LARGE1: variants seen among roughly 807,000 people sequenced by gnomAD.
The protein encoded by LARGE1 is LARGE xylosyl- and glucuronyltransferase 1, also known as xylosyl- and glucuronyltransferase LARGE1.
LARGE1 carries 43 observed loss-of-function variants against 87.6 expected under a neutral mutation model. The observed-to-expected ratio is 0.49, with a 90% CI of 0.38 to 0.63. LARGE1 has a LOEUF of 0.63. Among genes scored for constraint, LARGE1 ranks in the 30% least tolerant of loss-of-function variants. The pLI, the probability that LARGE1 is intolerant of heterozygous loss-of-function variation, is 0.00. For synonymous variants in LARGE1, 434 were observed against 394.6 expected (o/e 1.10, Z -1.18); for missense variants, 802 against 1,000.2 (o/e 0.80, Z 2.67).
intron 9 of LARGE1, among the ~76,000 whole-genome samples, chr22:33,346,666 T>A (rs542154382): frequency 1.2e-4 from 18 of 152,288 alleles, no homozygotes; most frequent in Admixed American, 3.9e-4. Flanking sequence ...GCACATGTTC[T>A]GCAAAGCTTT....
intron 5 of LARGE1, among the ~76,000 whole-genome samples, chr22:33,591,529 C>T (rs184584823): frequency 7.6e-4 from 115 of 152,184 alleles, no homozygotes; most frequent in Non-Finnish European, 1.4e-3. Flanking sequence ...GGTGTAAGAC[C>T]TCTCCATATA....
At chr22:33,826,018 C>G (rs527830259) in intron 1 of LARGE1, among the ~76,000 whole-genome samples, 1 of 152,124 alleles carries the variant, frequency 6.6e-6, no homozygotes, top group Non-Finnish European at 1.5e-5. Context: ...CAGAGAGACC[C>G]GCTGTCCAGA....
intron 7 of LARGE1, among the ~76,000 whole-genome samples, chr22:33,410,650 T>C (rs530632241): frequency 6.6e-6 from 1 of 152,216 alleles, no homozygotes; most frequent in Non-Finnish European, 1.5e-5. Flanking sequence ...CTTTCCTTTA[T>C]AAATTACCCA....
At chr22:33,784,961 G>A (rs927462997) in intron 1 of LARGE1, among the ~76,000 whole-genome samples, 4 of 150,460 alleles carry the variant, frequency 2.7e-5, no homozygotes, top group African/African-American at 9.8e-5. Flanking sequence ...GTGTACATGG[G>A]TATATACATG....
At chr22:33,211,564 G>A (rs1192521208) in intron 11 of LARGE1, among the ~76,000 whole-genome samples, 1 of 151,926 alleles carries the variant, frequency 6.6e-6, no homozygotes, top group Non-Finnish European at 1.5e-5. Flanking sequence ...CTGAGGTCAG[G>A]AGTCCGAGAC....
At chr22:33,793,571 G>C (rs940094413) in intron 1 of LARGE1, among the ~76,000 whole-genome samples, 1 of 152,232 alleles carries the variant, frequency 6.6e-6, no homozygotes, top group African/African-American at 2.4e-5. Context: ...GCTGTGAGAA[G>C]TGAGGAATAT....
At position 33,564,844 on chromosome 22, in the gene LARGE1, T is replaced by C; in HGVS notation, c.787+4A>G. Reference sequence around the variant, plus strand: ...CGGGGAAAAAACGAATGGGCTACCATTACCTTTGAACTTGTGGAACACAGC... The same window carrying C: ...CGGGGAAAAAACGAATGGGCTACCACTACCTTTGAACTTGTGGAACACAGC... On this transcript the variant is annotated splice_donor_region_variant and intron_variant, in intron 6 of 14. Transcript: ENST00000397394. The C allele has an allele frequency of 3.7e-6, 6 of 1,614,176 alleles. No individual in the cohort carries two copies. The highest frequency in any genetic ancestry group is 1.1e-5 in the South Asian group (1 of 91,076).
the LARGE1 span, among the ~76,000 whole-genome samples, chr22:33,127,968 T>C: frequency 1.8e-4 from 28 of 152,266 alleles, no homozygotes; most frequent in African/African-American, 6.0e-4. Flanking sequence ...ATGTGCTTTC[T>C]ACCCCTTTTC....
intron 11 of LARGE1, among the ~76,000 whole-genome samples, chr22:33,186,194 C>G (rs1272511595): frequency 2.6e-5 from 4 of 152,020 alleles, no homozygotes; most frequent in Admixed American, 6.6e-5. Flanking sequence ...AATACTGATA[C>G]CAAAACTTGA....
chr22:33,652,191 A>C (rs2080839422), intron 2 of LARGE1, among the ~76,000 whole-genome samples: 1 of 151,962 alleles, frequency 6.6e-6, no homozygotes, highest in Admixed American at 6.6e-5. Context: ...AAAAACAAAA[A>C]CAAAAACAAC....
chr22:33,791,417 G>A (rs1458341661), intron 1 of LARGE1, among the ~76,000 whole-genome samples: 4 of 152,158 alleles, frequency 2.6e-5, no homozygotes, highest in Non-Finnish European at 5.9e-5. Context: ...AAGGGGAACT[G>A]AGTCATATTA....
At chr22:33,692,595 G>A (rs550666485) in intron 2 of LARGE1, among the ~76,000 whole-genome samples, 1 of 152,316 alleles carries the variant, frequency 6.6e-6, no homozygotes, top group Non-Finnish European at 1.5e-5. Context: ...ATAGGCGTGA[G>A]CCACCGCGCC....
intron 1 of LARGE1, among the ~76,000 whole-genome samples, chr22:33,831,941 G>A (rs537303492): frequency 6.6e-6 from 1 of 152,292 alleles, no homozygotes; most frequent in African/African-American, 2.4e-5. Context: ...AACAGCCCTA[G>A]AATAATGCTC....
intron 3 of LARGE1, 61 bp from the exon 4 acceptor site, chr22:33,626,387 T>C: frequency 1.5e-6 from 2 of 1,340,494 alleles, no homozygotes; most frequent in Non-Finnish European, 1.1e-6. Flanking sequence ...TTCCTGGTGC[T>C]TCAGATCACA....
downstream of LARGE1, among the ~76,000 whole-genome samples, chr22:33,269,949 G>A (rs1034381311): frequency 6.6e-6 from 1 of 150,622 alleles, no homozygotes; most frequent in African/African-American, 2.5e-5. Flanking sequence ...AGCTTGCAGT[G>A]AGCCGAGATC....
At chr22:33,490,493 A>G (rs149838914) in intron 6 of LARGE1, among the ~76,000 whole-genome samples, 33 of 152,338 alleles carry the variant, frequency 2.2e-4, no homozygotes, top group African/African-American at 7.0e-4. Context: ...TGTTGTTTCT[A>G]TAACTACTAT....
downstream of LARGE1, among the ~76,000 whole-genome samples, chr22:33,268,428 A>AC (rs1047336050): frequency 2.8e-5 from 4 of 143,434 alleles, no homozygotes; most frequent in African/African-American, 1.2e-4. Flanking sequence ...CTGTTAAAAA[A>AC]CTTTTTTTTT....
At chr22:33,109,726 C>T in the LARGE1 span, among the ~76,000 whole-genome samples, 7 of 152,116 alleles carry the variant, frequency 4.6e-5, no homozygotes, top group East Asian at 1.9e-4. Context: ...GTTTGAATTA[C>T]GTGGGCAGAT....
chr22:33,304,637 T>G (rs1412205442), intron 11 of LARGE1, 130 bp from the exon 12 acceptor site: 1 of 964,494 alleles, frequency 1.0e-6, no homozygotes, highest in Non-Finnish European at 1.5e-6. Context: ...GCTTTCAACG[T>G]TGACTCACTC....
Sources: allele counts gnomAD v4.1 joint callset (sites outside exome capture counted in the v4.1 genomes callset), GRCh38; gene constraint gnomAD v4.1.1; transcripts MANE v1.5; gene names NCBI Gene and HGNC (gene_info 2026-07-23, HGNC 2026-07-21).